Variants in PCNX4 observed in about 807,000 individuals in gnomAD.
PCNX4 encodes the protein pecanex 4.
A neutral mutation model predicts 107.2 loss-of-function variants in PCNX4; 103 were observed. The observed-to-expected ratio is 0.96, with a 90% confidence interval of 0.82 to 1.13. PCNX4 has a LOEUF of 1.13. Among genes scored for constraint, PCNX4 ranks in the 50% most tolerant of loss-of-function variants. The pLI is 0.00. For synonymous variants in PCNX4, 541 were observed against 481.7 expected, an observed-to-expected ratio of 1.12 and a Z score of -1.61; for missense variants, 1,528 against 1,379.4, an observed-to-expected ratio of 1.11 and a Z score of -1.71.
chr14:60,114,796 C>A lies in PCNX4; in HGVS notation c.786C>A (p.Pro262=). Residue 262 remains proline, a synonymous_variant, in exon 3 of 11, where the codon CCC becomes CCA. Transcript: ENST00000406854. ...LPFLWALGTL[P]PPDALLLWAM... ...TTCTGTGGGCACTTGGGACTCTGCC[C>A]CCACCCGATGCACTTCTCTTATGGG... 1 of 1,613,808 alleles carries A rather than the reference C, an allele frequency of 6.2e-7. No individual in the cohort carries two copies. Among genetic ancestry groups the A allele is most frequent in the Non-Finnish European group, 8.5e-7 (1 of 1,179,862 alleles).
intron 1 of PCNX4, among the ~76,000 whole-genome samples, chr14:60,103,448 C>T (rs1023892147): frequency 4.6e-5 from 7 of 152,158 alleles, no homozygotes; most frequent in African/African-American, 7.2e-5. Context: ...TTCAAACTGC[C>T]CTGACCACAG....
intron 6 of PCNX4, 58 bp downstream of exon 6, chr14:60,116,118 C>T (rs1490070918): frequency 4.8e-5 from 69 of 1,432,350 alleles, no homozygotes; most frequent in Non-Finnish European, 6.2e-5. Flanking sequence ...TAATATTTGT[C>T]CATTTAGTGG....
At position 60,136,208 on chromosome 14, in the gene PCNX4, G is replaced by A. The variant is rs1896238106; in HGVS notation, c.*1987G>A. ...TTGACCATTCCTTGAAGCAGCTTTT[G>A]TGTTTTCTTTTGAACTTTCCTGACA... is the stretch of plus-strand genomic sequence containing the variant. On this transcript the variant is annotated 3_prime_UTR_variant, in exon 11 of 11. Coordinates refer to ENST00000406854, the MANE Select transcript of PCNX4 (RefSeq NM_001330177.2). 1 of 151,882 alleles carries A rather than the reference G, an allele frequency of 6.6e-6. No individual in the cohort carries two copies. Among genetic ancestry groups the A allele is most frequent in the East Asian group, 1.9e-4 (1 of 5,186 alleles). The allele number at this position is 151,882 out of a possible 1,614,324, so 9.4% of individuals were successfully genotyped here.
rs112427833 is a variant in PCNX4 at position 60,124,791 on chromosome 14, G to T, written c.2620G>T (p.Asp874Tyr). 3 of 1,613,372 alleles carry T rather than the reference G, an allele frequency of 1.9e-6. No homozygotes were observed. Among genetic ancestry groups the T allele is most frequent in the Non-Finnish European group, 2.5e-6 (3 of 1,179,794 alleles). ...DHSTGTVPEN[D>Y]LYKAVLLGYP... ...TTCTACAGGCACTGTTCCTGAAAAC[G>T]ATCTTTACAAAGCAGTTCTATTAGG... The change falls in exon 9 of 11, where the codon GAT (aspartate) becomes TAT (tyrosine). Residue 874 changes from aspartate (D) to tyrosine (Y), a missense_variant. Transcript: ENST00000406854.
At chr14:60,109,919 A>T (rs160235) in intron 2 of PCNX4, 127,221 of 167,162 alleles carry the variant, frequency 0.76, 50,662 homozygotes, top group Non-Finnish European at 0.87. Context: ...GGAGAGTTCA[A>T]AGCAGTGTTG....
intron 1 of PCNX4, among the ~76,000 whole-genome samples, chr14:60,102,174 A>T (rs1356294547): frequency 6.6e-6 from 1 of 152,182 alleles, no homozygotes; most frequent in Non-Finnish European, 1.5e-5. Context: ...GCAGCTGACA[A>T]TACTGTATTG....
intron 1 of PCNX4, among the ~76,000 whole-genome samples, chr14:60,099,901 T>A (rs187985738): frequency 6.2e-4 from 94 of 151,614 alleles, no homozygotes; most frequent in Non-Finnish European, 1.1e-3. Flanking sequence ...CTATCTCTAC[T>A]GGGGAAAAAA....
chr14:60,125,701 A>T lies in PCNX4; in HGVS notation c.3145A>T (p.Ile1049Phe). The T allele has an allele frequency of 3.1e-6, 5 of 1,606,410 alleles. No individual in the cohort carries two copies. Among genetic ancestry groups the T allele is most frequent in the Non-Finnish European group, 4.3e-6 (5 of 1,176,120 alleles). The change falls in exon 10 of 11, where the codon ATT becomes TTT. Residue 1049 changes from isoleucine (I) to phenylalanine (F), a missense_variant. By Grantham distance (21) the Ile-to-Phe change is conservative (BLOSUM62 0). Transcript: ENST00000406854. Reference sequence around the variant, plus strand: ...TCCAATAGAAGACTTTAGAGAACTGATTAAGTACCTTGAAGAATATGAACG... The same window carrying T: ...TCCAATAGAAGACTTTAGAGAACTGTTTAAGTACCTTGAAGAATATGAACG... ...LGPIEDFREL[I>F]KYLEEYERDW... is the part of the protein sequence containing the mutation.
chr14:60,107,890 A>G lies in PCNX4; in HGVS notation c.252A>G (p.Ala84=), dbSNP rs777430375. 16 of 1,612,788 alleles carry G rather than the reference A, an allele frequency of 9.9e-6. No homozygotes were observed. In the South Asian group the frequency reaches 1.6e-4, roughly 17 times the overall value. Residue 84 remains alanine, a synonymous_variant, in exon 2 of 11, where the codon GCA becomes GCG. Transcript: ENST00000406854. The part of the protein sequence containing the change: ...ALSGGLMLFT[A]FVIQFTSLYA... The stretch of plus-strand genomic sequence containing the variant: ...CAGGTGGATTAATGCTTTTTACTGC[A>G]TTTGTCATCCAGTTCACAAGTTTAT...
Position 60,124,400 on chromosome 14 carries a change from A to G in PCNX4, c.2229A>G (p.Leu743=), listed in dbSNP as rs750148632. Residue 743 remains leucine (L), a synonymous_variant, in exon 9 of 11, where the codon CTA becomes CTG. Coordinates refer to ENST00000406854, the MANE Select transcript of PCNX4 (RefSeq NM_001330177.2). ...VKLYSDARNV[L]SGIIDSHENL... ...TGTATTCTGATGCCAGGAATGTTCT[A>G]TCAGGCATAATTGATTCTCATGAAA... 7 of 1,613,412 alleles carry G rather than the reference A, an allele frequency of 4.3e-6. No homozygotes were observed. Among genetic ancestry groups the G allele is most frequent in the South Asian group, 1.1e-5 (1 of 91,072 alleles).
chr14:60,108,086 G>A lies in PCNX4; in HGVS notation c.448G>A (p.Ala150Thr). 6.2e-7 allele frequency: 1 copy of A among 1,612,812 alleles called. No individual in the cohort carries two copies. The highest frequency in any genetic ancestry group is 8.5e-7 in the Non-Finnish European group (1 of 1,179,874). Residue 150 changes from alanine (A) to threonine (T), a missense_variant, in exon 2 of 11, where the codon GCG becomes ACG. Physicochemically the swap from Ala to Thr is moderately conservative, Grantham distance 58. Coordinates refer to ENST00000406854, the MANE Select transcript of PCNX4 (RefSeq NM_001330177.2). ...TVFHSILAGL[A>T]CGLGTWYLLP... is the part of the protein sequence containing the mutation. Reference sequence around the variant, plus strand: ...TTTTCATTCTATTCTTGCTGGATTAGCGTGTGGTCTTGGAACATGGTATCT... The same window carrying A: ...TTTTCATTCTATTCTTGCTGGATTAACGTGTGGTCTTGGAACATGGTATCT...
At chr14:60,130,182 TAAAC>T (rs945895416) in intron 10 of PCNX4, among the ~76,000 whole-genome samples, 4 of 151,752 alleles carry the variant, frequency 2.6e-5, no homozygotes, top group Admixed American at 1.3e-4. Context: ...TTAAAAAAAA[TAAAC>T]AAAATTATCC....
In PCNX4 at chr14:60,125,156, A is replaced by G; in HGVS notation, c.2985A>G (p.Ile995Met). The change falls in exon 9 of 11, where the codon ATA (isoleucine) becomes ATG (methionine). Residue 995 changes from isoleucine (I) to methionine (M), a missense_variant. Transcript: ENST00000406854. The part of the protein sequence containing the change: ...IDNMAPSPGH[I>M]LRVYGGVLPW... ...ATATGGCTCCTAGTCCTGGTCATAT[A>G]TTGAGAGTTTACGGTGGTGTTTTGC... 6.2e-7 allele frequency: 1 copy of G among 1,612,736 alleles called. No individual in the cohort carries two copies. The highest frequency in any genetic ancestry group is 8.5e-7 in the Non-Finnish European group (1 of 1,179,264).
intron 6 of PCNX4, among the ~76,000 whole-genome samples, chr14:60,116,715 CT>C (rs1895855667): frequency 6.6e-6 from 1 of 152,014 alleles, no homozygotes; most frequent in African/African-American, 2.4e-5. Context: ...AAAAAGTTGA[CT>C]GTAAAACAGC....
rs761281541 is a variant in PCNX4, at chr14:60,115,428, A to G, written c.1324A>G (p.Ile442Val). Residue 442 changes from isoleucine to valine, a missense_variant, in exon 4 of 11, where the codon ATT (isoleucine) becomes GTT (valine). Coordinates refer to ENST00000406854, the MANE Select transcript of PCNX4 (RefSeq NM_001330177.2). ...TGAGAAGCAAACTAGGCTCATGAAG[A>G]TTGGTATTGTCAGACGGATTTTGCT... is the stretch of plus-strand genomic sequence containing the variant. ...FFEKQTRLMK[I>V]GIVRRILLTL... 1.1e-5 allele frequency: 17 copies of G among 1,546,996 alleles called. No individual in the cohort carries two copies. In the South Asian group the frequency reaches 1.9e-4, roughly 17 times the overall value.
intron 2 of PCNX4, among the ~76,000 whole-genome samples, chr14:60,112,809 T>A (rs1444237975): frequency 6.6e-6 from 1 of 152,244 alleles, no homozygotes; most frequent in African/African-American, 2.4e-5. Context: ...CTACTCAGAA[T>A]GAAATGAATT....
At chr14:60,119,979 C>T (rs567290434) in intron 7 of PCNX4, among the ~76,000 whole-genome samples, 15 of 152,146 alleles carry the variant, frequency 9.9e-5, no homozygotes, top group Non-Finnish European at 1.9e-4. Flanking sequence ...TATCCCGTGG[C>T]TCAGGGATTC....
intron 1 of PCNX4, among the ~76,000 whole-genome samples, chr14:60,095,177 G>A (rs1895399852): frequency 1.3e-5 from 2 of 152,178 alleles, no homozygotes; most frequent in Non-Finnish European, 2.9e-5. Context: ...ATGTTGAGAA[G>A]TACACAATTG....
At chr14:60,108,427 A>C in intron 2 of PCNX4, 100 bp downstream of exon 2, 5 of 856,548 alleles carry the variant, frequency 5.8e-6, no homozygotes, top group Non-Finnish European at 8.9e-6. Context: ...TCCATGGATT[A>C]AAAATCATCA....
Sources: allele counts gnomAD v4.1 joint callset (sites outside exome capture counted in the v4.1 genomes callset), GRCh38; gene constraint gnomAD v4.1.1; transcripts MANE v1.5; gene names NCBI Gene and HGNC (gene_info 2026-07-23, HGNC 2026-07-21).